LUZP2: variants seen among roughly 807,000 people sequenced by gnomAD.
The protein encoded by LUZP2 is leucine zipper protein 2.
LUZP2 carries 52 observed loss-of-function variants against 51.6 expected under a neutral mutation model. The ratio of observed to expected loss-of-function variants is 1.01; its 90% CI spans 0.81 to 1.27. The LOEUF (loss-of-function observed/expected upper bound fraction) is 1.27. LUZP2 is among the 50% of genes most tolerant of loss of function. The pLI is 0.00. For synonymous variants in LUZP2, 154 were observed against 137.3 expected (o/e 1.12, Z -0.85); for missense variants, 436 against 395.4 (o/e 1.10, Z -0.87).
At chr11:24,533,039 C>T (rs1195703768) in intron 1 of LUZP2, among the ~76,000 whole-genome samples, 1 of 151,124 alleles carries the variant, frequency 6.6e-6, no homozygotes, top group Non-Finnish European at 1.5e-5. Context: ...ACTAACATCA[C>T]CAGACAGAAA....
intron 1 of LUZP2, among the ~76,000 whole-genome samples, chr11:24,616,701 C>T (rs144587174): frequency 6.6e-5 from 10 of 152,252 alleles, no homozygotes; most frequent in Middle Eastern, 3.4e-3. Flanking sequence ...TTATTTATTA[C>T]GTAGCTGTAT....
At chr11:24,757,916 T>C (rs572607458) in intron 4 of LUZP2, among the ~76,000 whole-genome samples, 1 of 152,230 alleles carries the variant, frequency 6.6e-6, no homozygotes, top group Non-Finnish European at 1.5e-5. Flanking sequence ...TGGAATTTCA[T>C]TGTACTAAAA....
At chr11:24,630,043 T>C (rs905086143) in intron 1 of LUZP2, among the ~76,000 whole-genome samples, 1 of 151,940 alleles carries the variant, frequency 6.6e-6, no homozygotes, top group African/African-American at 2.4e-5. Context: ...TGGGATTACT[T>C]TTTTTGTTTT....
At chr11:24,500,602 G>T (rs1416313913) in intron 1 of LUZP2, among the ~76,000 whole-genome samples, 3 of 152,154 alleles carry the variant, frequency 2.0e-5, no homozygotes, top group Non-Finnish European at 2.9e-5. Context: ...GCTGGAGAAG[G>T]CTCATGCTTT....
intron 5 of LUZP2, chr11:24,786,755 T>C (rs1367023284): frequency 3.1e-5 from 2 of 64,972 alleles, no homozygotes; most frequent in Non-Finnish European, 6.7e-5. Context: ...TGTTTTATTT[T>C]CCCACCTTTG....
chr11:24,779,987 A>C (rs909447961), intron 5 of LUZP2, among the ~76,000 whole-genome samples: 11 of 152,158 alleles, frequency 7.2e-5, no homozygotes, highest in African/African-American at 2.2e-4. Context: ...ATTCTCCCGT[A>C]GGGCCTCTGG....
At position 25,081,029 on chromosome 11, in the gene LUZP2, A is replaced by ATTTTGTTTTTTTTTTTTTTTTTTTT. The variant is rs1554964353; in HGVS notation, c.*2375_*2376insGTTTTTTTTTTTTTTTTTTTTTTTT. ...ATCAAGTGGGCTTTGGATCCATATG[A>ATTTTGTTTTTTTTTTTTTTTTTTTT]TTTTTTTTTTTTTTTTTTTTTGAGA... On this transcript the variant is annotated 3_prime_UTR_variant, in exon 12 of 12. Transcript: ENST00000336930. 4 of 100,706 alleles carry ATTTTGTTTTTTTTTTTTTTTTTTTT rather than the reference A, an allele frequency of 4.0e-5. 1 individual carries two copies. The highest frequency in any genetic ancestry group is 1.5e-4 in the African/African-American group (4 of 26,512). 6.2% of individuals were successfully genotyped at this position (100,706 alleles called of 1,614,324 possible). A position where few individuals can be genotyped will look rare whatever the true frequency, so the allele number is the denominator to read the frequency against.
At chr11:24,665,524 G>C (rs116471035) in intron 1 of LUZP2, among the ~76,000 whole-genome samples, 1,699 of 152,192 alleles carry the variant, frequency 0.011, 33 homozygotes, top group African/African-American at 0.039. Context: ...GGCTATGTCC[G>C]CATCCAAATC....
intron 5 of LUZP2, among the ~76,000 whole-genome samples, chr11:24,888,862 C>T (rs1199181351): frequency 4.6e-5 from 7 of 152,064 alleles, no homozygotes; most frequent in African/African-American, 7.2e-5. Flanking sequence ...CCACTTCACT[C>T]GGCACCGCTC....
chr11:24,735,703 C>A (rs989526429), intron 3 of LUZP2, among the ~76,000 whole-genome samples: 4 of 151,820 alleles, frequency 2.6e-5, no homozygotes, highest in Non-Finnish European at 5.9e-5. Flanking sequence ...CTTTAAAATT[C>A]TTTGTAACAC....
chr11:24,747,296 C>G (rs1443870747), intron 4 of LUZP2, among the ~76,000 whole-genome samples: 1 of 152,122 alleles, frequency 6.6e-6, no homozygotes, highest in Non-Finnish European at 1.5e-5. Context: ...GTGAGCCTAG[C>G]TGCAGTGATT....
At chr11:25,026,364 G>T (rs1371273940) in intron 9 of LUZP2, among the ~76,000 whole-genome samples, 2 of 152,074 alleles carry the variant, frequency 1.3e-5, no homozygotes, top group African/African-American at 2.4e-5. Context: ...ATTTTGGAAT[G>T]TATATGAAAA....
At chr11:24,565,248 C>G (rs1490062739) in intron 1 of LUZP2, among the ~76,000 whole-genome samples, 1 of 151,966 alleles carries the variant, frequency 6.6e-6, no homozygotes, top group African/African-American at 2.4e-5. Context: ...TACTGGCCCC[C>G]AGAAAAGCAG....
chr11:24,627,608 C>T (rs1157858057), intron 1 of LUZP2, among the ~76,000 whole-genome samples: 2 of 152,176 alleles, frequency 1.3e-5, no homozygotes, highest in Admixed American at 6.5e-5. Flanking sequence ...TCCAGATATT[C>T]GCTTGCAGTA....
At chr11:24,519,591 GA>G (rs1182209026) in intron 1 of LUZP2, among the ~76,000 whole-genome samples, 1 of 152,152 alleles carries the variant, frequency 6.6e-6, no homozygotes, top group East Asian at 1.9e-4. Flanking sequence ...AAGTCCTTGG[GA>G]AAGGGTTTCG....
At chr11:24,742,460 G>T (rs1265046486) in intron 4 of LUZP2, among the ~76,000 whole-genome samples, 1 of 151,894 alleles carries the variant, frequency 6.6e-6, no homozygotes, top group East Asian at 1.9e-4. Context: ...TAATGATATT[G>T]AGCATTTTTT....
intron 10 of LUZP2, among the ~76,000 whole-genome samples, chr11:25,054,549 T>C (rs188114123): frequency 6.6e-6 from 1 of 152,298 alleles, no homozygotes; most frequent in Admixed American, 6.5e-5. Flanking sequence ...TGTTATTCAG[T>C]TGTCCTAGTC....
intron 5 of LUZP2, among the ~76,000 whole-genome samples, chr11:24,889,018 T>C (rs973933441): frequency 6.6e-6 from 1 of 152,186 alleles, no homozygotes; most frequent in African/African-American, 2.4e-5. Context: ...CAGACAGTTC[T>C]TTATAGCATT....
At chr11:24,872,480 A>C (rs1189147283) in intron 5 of LUZP2, among the ~76,000 whole-genome samples, 1 of 152,160 alleles carries the variant, frequency 6.6e-6, no homozygotes, top group East Asian at 1.9e-4. Context: ...CAAGGGGATT[A>C]AAATATTTTG....
Sources: gnomAD v4.1 joint callset for allele counts (sites outside exome capture counted in the v4.1 genomes callset) on GRCh38, gnomAD v4.1.1 for gene constraint, MANE v1.5 for transcripts, NCBI Gene and HGNC (gene_info 2026-07-23, HGNC 2026-07-21) for gene names.